UBA5: variants seen among roughly 807,000 people sequenced by gnomAD.
UBA5 encodes the protein ubiquitin like modifier activating enzyme 5, also known as ubiquitin-like modifier-activating enzyme 5.
A neutral mutation model predicts 52.9 loss-of-function variants in UBA5; 28 were observed. The observed-to-expected ratio is 0.53, with a 90% CI of 0.39 to 0.73. The LOEUF is 0.73. Among genes scored for constraint, UBA5 ranks in the 30% least tolerant of loss-of-function variants. UBA5 has a pLI of 0.00. For missense variants in UBA5, 388 were observed against 492.7 expected (o/e 0.79, Z 2.01); for synonymous variants, 135 against 162.1 (o/e 0.83, Z 1.27).
chr3:132,668,157 TAGTG>T (rs1293137946), intron 3 of UBA5: 8 of 100,570 alleles, frequency 8.0e-5, no homozygotes, highest in South Asian at 3.8e-4. Flanking sequence ...ATGGCCATTT[TAGTG>T]TGTGTGTGTG....
intron 3 of UBA5, chr3:132,667,684 G>A (rs1010190411): frequency 5.9e-5 from 9 of 152,058 alleles, no homozygotes; most frequent in Admixed American, 1.3e-4. Context: ...ATCTATATTC[G>A]CTGCTTTATT....
chr3:132,670,373 T>G, intron 5 of UBA5, 89 bp downstream of exon 5: 2 of 586,060 alleles, frequency 3.4e-6, no homozygotes, highest in Non-Finnish European at 5.8e-6. Context: ...ATCCAATGAA[T>G]GGAAGATTGA....
At chr3:132,672,934 T>C (rs1317044222) in intron 8 of UBA5, among the ~76,000 whole-genome samples, 2 of 152,200 alleles carry the variant, frequency 1.3e-5, no homozygotes, top group Non-Finnish European at 2.9e-5. Flanking sequence ...GCTATTTATT[T>C]TCCCTCATTT....
intron 8 of UBA5, among the ~76,000 whole-genome samples, chr3:132,672,757 T>A (rs1466612099): frequency 6.6e-6 from 1 of 152,222 alleles, no homozygotes; most frequent in Non-Finnish European, 1.5e-5. Flanking sequence ...GAAATCTGCT[T>A]TTAGATACCT....
chr3:132,675,235 T>G lies in UBA5; in HGVS notation c.813-13T>G. On this transcript the variant is annotated splice_polypyrimidine_tract_variant and intron_variant, in intron 8 of 11. Coordinates refer to ENST00000356232, the MANE Select transcript of UBA5 (RefSeq NM_024818.6). Reference sequence around the variant, plus strand: ...TTAAATTTCTTTATTTAAGTCTATTTTGATTTTTCTAGGTTTCTGTTAAAT... The same window carrying G: ...TTAAATTTCTTTATTTAAGTCTATTGTGATTTTTCTAGGTTTCTGTTAAAT... 6.4e-7 allele frequency: 1 copy of G among 1,560,818 alleles called. No individual in the cohort carries two copies. The highest frequency in any genetic ancestry group is 8.8e-7 in the Non-Finnish European group (1 of 1,142,378).
Position 132,671,869 on chromosome 3 carries a change from T to C in UBA5, c.672T>C (p.Ser224=), listed in dbSNP as rs746547610. The change falls in exon 7 of 12, where the codon TCT becomes TCC. Residue 224 remains serine, a synonymous_variant. Coordinates refer to ENST00000356232, the MANE Select transcript of UBA5 (RefSeq NM_024818.6). The stretch of plus-strand genomic sequence containing the variant: ...TACAGCTTATAATTCCTGGAGAATC[T>C]GCTTGTTTTGCGGTATGCATTATTC... ...GHIQLIIPGE[S]ACFACAPPLV... 3 of 1,613,176 alleles carry C rather than the reference T, an allele frequency of 1.9e-6. No homozygotes were observed. The highest frequency in any genetic ancestry group is 3.3e-5 in the Admixed American group (2 of 59,874).
rs917004296 is a variant in UBA5, at chr3:132,679,267, C to CA, written c.*2750dup. 7.4e-5 allele frequency among the ~76,000 whole-genome samples: 11 copies of CA among 148,292 alleles called. No individual in the cohort carries two copies. Among genetic ancestry groups the CA allele is most frequent in the East Asian group, 4.0e-4 (2 of 5,050 alleles). On this transcript the variant is annotated 3_prime_UTR_variant, in exon 12 of 12. Coordinates refer to ENST00000356232, the MANE Select transcript of UBA5 (RefSeq NM_024818.6). Reference sequence around the variant, plus strand: ...TGGAAAACAGAGTGAGACTCTGTCTCAAAAAAAAAGGTATTGATGAATAAA... The same window carrying CA: ...TGGAAAACAGAGTGAGACTCTGTCTCAAAAAAAAAAGGTATTGATGAATAAA...
upstream of UBA5, chr3:132,660,084 A>C (rs1266036618): frequency 2.9e-6 from 1 of 346,526 alleles, no homozygotes; most frequent in African/African-American, 2.1e-5. The surrounding 1 kb of genome is among the most constrained non-coding windows in gnomAD (Gnocchi z 4.1). Context: ...TTCCACCCCC[A>C]AATTTAATGC....
chr3:132,675,132 T>A, intron 8 of UBA5, 116 bp from the exon 9 acceptor site: 1 of 769,432 alleles, frequency 1.3e-6, no homozygotes, highest in East Asian at 2.8e-5. Context: ...ATTTCTGTTT[T>A]CTGGTTAAAA....
upstream of UBA5, chr3:132,660,077 C>A (rs1300064494): frequency 5.7e-6 from 2 of 351,640 alleles, no homozygotes; most frequent in Non-Finnish European, 1.0e-5. The surrounding 1 kb of genome is among the most constrained non-coding windows in gnomAD (Gnocchi z 4.1). Flanking sequence ...AAGCCTCTTC[C>A]ACCCCCAAAT....
At chr3:132,666,280 G>A (rs1938376156) in intron 3 of UBA5, 6 of 517,366 alleles carry the variant, frequency 1.2e-5, no homozygotes, top group South Asian at 9.6e-5. Context: ...GTTTAGAAAC[G>A]TTTTTGTTTG....
chr3:132,678,193 T>C lies in UBA5; in HGVS notation c.*1667T>C, dbSNP rs1489309153. 2 of 152,212 alleles carry C rather than the reference T, an allele frequency of 1.3e-5. No individual in the cohort carries two copies. Among genetic ancestry groups the C allele is most frequent in the African/African-American group, 2.4e-5 (1 of 41,450 alleles). The allele number at this position is 152,212 out of a possible 1,614,324, so 9.4% of individuals were successfully genotyped here. A position where few individuals can be genotyped will look rare whatever the true frequency, so the allele number is the denominator to read the frequency against. On this transcript the variant is annotated 3_prime_UTR_variant, in exon 12 of 12. Transcript: ENST00000356232. ...TGCACCAAATGTTACCTAATTGACC[T>C]AACTTTTTTTGTCTAATATCTTTCA...
chr3:132,666,187 A>C (rs1435512335), intron 3 of UBA5, 114 bp downstream of exon 3: 1 of 803,932 alleles, frequency 1.2e-6, no homozygotes, highest in East Asian at 2.7e-5. Context: ...GCAGTGTATT[A>C]ATCTAGATTG....
intron 3 of UBA5, 48 bp from the exon 4 acceptor site, chr3:132,668,770 T>C (rs1320142664): frequency 8.3e-7 from 1 of 1,201,000 alleles, no homozygotes; most frequent in Admixed American, 2.2e-5. Flanking sequence ...TTGATATGTT[T>C]AGTTTTTTGG....
upstream of UBA5, among the ~76,000 whole-genome samples, chr3:132,657,215 T>C (rs943723345): frequency 1.3e-5 from 2 of 152,240 alleles, no homozygotes; most frequent in African/African-American, 4.8e-5. Flanking sequence ...TATTCCAGTA[T>C]AACTTCTTGA....
At chr3:132,661,913 T>G (rs1411933030) in intron 1 of UBA5, among the ~76,000 whole-genome samples, 2 of 152,228 alleles carry the variant, frequency 1.3e-5, no homozygotes, top group Admixed American at 6.5e-5. Flanking sequence ...GAACGGTTAA[T>G]GGTCCAGAAT....
Position 132,676,825 on chromosome 3 carries a change from A to G in UBA5, c.*299A>G, listed in dbSNP as rs746774378. On this transcript the variant is annotated 3_prime_UTR_variant, in exon 12 of 12. Transcript: ENST00000356232. The surrounding 1 kb of genome is among the most constrained non-coding windows in gnomAD (Gnocchi z 4.1). ...GGCCTTTTGGAGTGGGGGAAGGACA[A>G]ATCTGATCCTGTAATCTTTTTCTTT... 6.3e-6 allele frequency: 3 copies of G among 478,554 alleles called. No individual in the cohort carries two copies. Among genetic ancestry groups the G allele is most frequent in the Non-Finnish European group, 1.2e-5 (3 of 241,592 alleles). 29.6% of individuals were successfully genotyped at this position (478,554 alleles called of 1,614,324 possible).
At chr3:132,670,606 C>T (rs1938559163) in intron 5 of UBA5, 1 of 221,904 alleles carries the variant, frequency 4.5e-6, no homozygotes, top group Non-Finnish European at 8.6e-6. Context: ...TGTCAGACCA[C>T]CACTGAAATA....
At chr3:132,656,007 G>A (rs954513890), upstream of UBA5, among the ~76,000 whole-genome samples, 4 of 152,180 alleles carry the variant, frequency 2.6e-5, no homozygotes, top group African/African-American at 9.7e-5. Context: ...ACTACCCGGA[G>A]AAAATTACTG....
Sources: allele counts gnomAD v4.1 joint callset (sites outside exome capture counted in the v4.1 genomes callset), GRCh38; gene constraint gnomAD v4.1.1; non-coding constraint Gnocchi (gnomAD v3.1); transcripts MANE v1.5; gene names NCBI Gene and HGNC (gene_info 2026-07-23, HGNC 2026-07-21).